The following TRIM26 variants were observed in gnomAD, a reference collection of about 807,000 sequenced individuals.
The protein encoded by TRIM26 is tripartite motif containing 26.
In TRIM26, 16 loss-of-function variants were observed where a neutral mutation model predicts 45.5. The observed-to-expected ratio is 0.35, with a 90% CI of 0.24 to 0.53. The LOEUF is 0.53. TRIM26 is among the 20% of genes least tolerant of loss of function. The pLI, the probability that TRIM26 is intolerant of heterozygous loss-of-function variation, is 0.92. For synonymous variants in TRIM26, 273 were observed against 290.4 expected (o/e 0.94, Z 0.61); for missense variants, 442 against 691.1 (o/e 0.64, Z 4.04).
chr6:30,186,331 C>T lies in TRIM26; in HGVS notation c.1165G>A (p.Glu389Lys). The T allele has an allele frequency of 1.2e-6, 2 of 1,612,270 alleles. No homozygotes were observed. The highest frequency in any genetic ancestry group is 8.5e-7 in the Non-Finnish European group (1 of 1,179,274). ...TCCTCCTCCTCTTCTCCCTCTTCCT[C>T]CTCATCCCCCTCTTCTTCATCCTCA... The part of the protein sequence containing the change: ...WSEDEEEGDE[E>K]EEGEEEEEEE... The change falls in exon 10 of 10, where the codon GAG becomes AAG. Residue 389 changes from glutamate to lysine, a missense_variant. Transcript: ENST00000454678. The surrounding 1 kb of genome is among the most constrained non-coding windows in gnomAD (Gnocchi z 7.4).
rs1562191984 is a variant in TRIM26 at position 30,190,021 on chromosome 6, G to A, written c.780C>T (p.Phe260=). 6.2e-7 allele frequency: 1 copy of A among 1,613,012 alleles called. No homozygotes were observed. Among genetic ancestry groups the A allele is most frequent in the Non-Finnish European group, 8.5e-7 (1 of 1,179,968 alleles). Reference sequence around the variant, plus strand: ...AGAGGAGACTCTTTTACCTGTTTAGGAAGTCTCTCGTGTCCTAGAAGGGAA... The same window carrying A: ...AGAGGAGACTCTTTTACCTGTTTAGAAAGTCTCTCGTGTCCTAGAAGGGAA... ...AAELMQDTRD[F]LNRYPRKKFW... is the part of the protein sequence containing the mutation. The change falls in exon 7 of 10, where the codon TTC becomes TTT. Residue 260 remains phenylalanine (F), a synonymous_variant. Coordinates refer to ENST00000454678, the MANE Select transcript of TRIM26 (RefSeq NM_003449.5). The surrounding 1 kb of genome is among the most constrained non-coding windows in gnomAD (Gnocchi z 4.3).
intron 1 of TRIM26, among the ~76,000 whole-genome samples, chr6:30,210,948 G>A (rs978806198): frequency 1.2e-4 from 19 of 152,096 alleles, no homozygotes; most frequent in Non-Finnish European, 1.8e-4. Flanking sequence ...CGGAAACCAC[G>A]GAAAACTAAG....
In TRIM26 at chr6:30,209,848, TAAATAA is replaced by T. The variant is rs544419588; in HGVS notation, c.-376+3451_-376+3456del. On this transcript the variant is annotated intron_variant, in intron 1 of 9. Transcript: ENST00000454678. The surrounding 1 kb of genome is among the most constrained non-coding windows in gnomAD (Gnocchi z 4.8). ...GAGACTGTCTCTAAAATAAAATAAA[TAAATAA>T]AAATAAAAATAAAAATAAAAACAAA... Among the ~76,000 whole-genome samples, 1,449 of 150,096 alleles carry T rather than the reference TAAATAA, an allele frequency of 9.7e-3. 20 individuals carry two copies. Among genetic ancestry groups the T allele is most frequent in the African/African-American group, 0.032 (1,287 of 40,774 alleles).
Position 30,186,896 on chromosome 6 carries a change from TGG to T in TRIM26, c.938-340_938-339del, listed in dbSNP as rs1775251539. ...ACTCATCATTAATATCATCCAAGTG[TGG>T]ATCACCAGTCCCTGAAAAATCTGTT... On this transcript the variant is annotated intron_variant, in intron 9 of 9. Transcript: ENST00000454678. This position sits in a 1 kb window ranked among gnomAD's most constrained non-coding sequence, Gnocchi z 7.4. The T allele has an allele frequency of 1.7e-5, 12 of 689,422 alleles. No homozygotes were observed. Among genetic ancestry groups the T allele is most frequent in the South Asian group, 1.1e-4 (7 of 61,002 alleles). 42.7% of individuals were successfully genotyped at this position (689,422 alleles called of 1,614,324 possible). A position where few individuals can be genotyped will look rare whatever the true frequency, so the allele number is the denominator to read the frequency against.
chr6:30,198,740 CG>C lies in TRIM26; in HGVS notation c.363del (p.Cys121TrpfsTer2). ...YYCEDDGKLL[C>X]VMCRESREHR... ...TGCTCCCGGGACTCCCGGCACATCA[CG>C]CACAGCAGCTTCCCGTCGTCCTCAC... On this transcript the variant is annotated frameshift_variant, in exon 4 of 10. Transcript: ENST00000454678. LOFTEE classifies it high-confidence loss of function. The surrounding 1 kb of genome is among the most constrained non-coding windows in gnomAD (Gnocchi z 6.3). 1 of 1,604,400 alleles carries C rather than the reference CG, an allele frequency of 6.2e-7. No individual in the cohort carries two copies. The highest frequency in any genetic ancestry group is 1.1e-5 in the South Asian group (1 of 91,060).
Position 30,186,583 on chromosome 6 carries a change from A to AAC in TRIM26, c.938-26_938-25insGT, listed in dbSNP as rs748040722. 15 of 1,499,088 alleles carry AAC rather than the reference A, an allele frequency of 1.0e-5. No individual in the cohort carries two copies. The highest frequency in any genetic ancestry group is 6.2e-6 in the Non-Finnish European group (7 of 1,128,606). 92.9% of individuals were successfully genotyped at this position (1,499,088 alleles called of 1,614,324 possible). The stretch of plus-strand genomic sequence containing the variant: ...ACTGTGGGGACAAGGGAAAAAAAAA[A>AAC]AAACAGCATCACTGTTTTGTTTTGT... On this transcript the variant is annotated intron_variant, in intron 9 of 9. Transcript: ENST00000454678. The surrounding 1 kb of genome is among the most constrained non-coding windows in gnomAD (Gnocchi z 7.4).
At chr6:30,204,326 A>C (rs1031288287) in intron 2 of TRIM26, among the ~76,000 whole-genome samples, 4 of 152,220 alleles carry the variant, frequency 2.6e-5, no homozygotes, top group Non-Finnish European at 4.4e-5. Flanking sequence ...TTTGTTAGGA[A>C]GCTCAGATGA....
At chr6:30,188,946 G>A (rs1775508098) in intron 9 of TRIM26, among the ~76,000 whole-genome samples, 1 of 152,052 alleles carries the variant, frequency 6.6e-6, no homozygotes, top group Non-Finnish European at 1.5e-5. Context: ...AGCAAACACA[G>A]GGCAGAGAAG....
chr6:30,186,794 T>G lies in TRIM26; in HGVS notation c.938-236A>C. The G allele has an allele frequency of 2.7e-6, 3 of 1,105,310 alleles. No individual in the cohort carries two copies. The South Asian group carries it at 4.1e-5, about 15-fold the overall frequency. 68.5% of individuals were successfully genotyped at this position (1,105,310 alleles called of 1,614,324 possible). On this transcript the variant is annotated intron_variant, in intron 9 of 9. Transcript: ENST00000454678. The surrounding 1 kb of genome is among the most constrained non-coding windows in gnomAD (Gnocchi z 7.4). Reference sequence around the variant, plus strand: ...TAAACATGATATACTGAAATTTAACTTGACTGTTTTCGCTTACGCTCTGAT... The same window carrying G: ...TAAACATGATATACTGAAATTTAACGTGACTGTTTTCGCTTACGCTCTGAT...
Position 30,196,431 on chromosome 6 carries a change from A to G in TRIM26, c.765+85T>C. 1 of 1,350,796 alleles carries G rather than the reference A, an allele frequency of 7.4e-7. No individual in the cohort carries two copies. The allele number at this position is 1,350,796 out of a possible 1,614,324, so 83.7% of individuals were successfully genotyped here. A position where few individuals can be genotyped will look rare whatever the true frequency, so the allele number is the denominator to read the frequency against. On this transcript the variant is annotated intron_variant, in intron 6 of 9. Transcript: ENST00000454678. The surrounding 1 kb of genome is among the most constrained non-coding windows in gnomAD (Gnocchi z 4.9). ...TTCAGATGACAAAACTGAGCCCCCA[A>G]GTCTTCTAAGGTCCTGCAAGTGAAT...
intron 1 of TRIM26, among the ~76,000 whole-genome samples, chr6:30,212,989 C>G (rs1404633580): frequency 2.0e-5 from 3 of 151,812 alleles, no homozygotes; most frequent in Admixed American, 6.6e-5. Flanking sequence ...AGTCGCCTAT[C>G]TACCAGGCTC....
chr6:30,206,448 GAGGTAGC>G (rs781198064), intron 1 of TRIM26, among the ~76,000 whole-genome samples: 8 of 152,268 alleles, frequency 5.3e-5, no homozygotes, highest in Non-Finnish European at 1.0e-4. Context: ...AGAGGGGCAG[GAGGTAGC>G]AGCCAGCTGG....
chr6:30,208,322 C>T (rs1293627929), intron 1 of TRIM26, among the ~76,000 whole-genome samples: 1 of 152,122 alleles, frequency 6.6e-6, no homozygotes, highest in African/African-American at 2.4e-5. Context: ...TCATCGTATC[C>T]AAGGTTTCGC....
At position 30,184,599 on chromosome 6, in the gene TRIM26, A is replaced by T. The variant is rs1181596257; in HGVS notation, c.*1277T>A. On this transcript the variant is annotated 3_prime_UTR_variant, in exon 10 of 10. Transcript: ENST00000454678. Reference sequence around the variant, plus strand: ...CAGAAATAAGATGTACATGTGACTCAGGCAGCATGTGACACACACAAAGTG... The same window carrying T: ...CAGAAATAAGATGTACATGTGACTCTGGCAGCATGTGACACACACAAAGTG... 1 of 152,700 alleles carries T rather than the reference A, an allele frequency of 6.5e-6. No individual in the cohort carries two copies. The highest frequency in any genetic ancestry group is 2.4e-5 in the African/African-American group (1 of 41,468). The allele number at this position is 152,700 out of a possible 1,614,324, so 9.5% of individuals were successfully genotyped here. A position where few individuals can be genotyped will look rare whatever the true frequency, so the allele number is the denominator to read the frequency against.
Position 30,190,113 on chromosome 6 carries a change from C to A in TRIM26, c.766-78G>T, listed in dbSNP as rs1775667312. 8.0e-6 allele frequency: 12 copies of A among 1,497,442 alleles called. No individual in the cohort carries two copies. Among genetic ancestry groups the A allele is most frequent in the Non-Finnish European group, 1.1e-5 (12 of 1,079,664 alleles). 92.8% of individuals were successfully genotyped at this position (1,497,442 alleles called of 1,614,324 possible). On this transcript the variant is annotated intron_variant, in intron 6 of 9. Transcript: ENST00000454678. The surrounding 1 kb of genome is among the most constrained non-coding windows in gnomAD (Gnocchi z 4.3). ...AATGCATCTGCACCCAACACTGTAGCAGAGATGGGACATATCAGTGAACAA... is the reference window on the plus strand; with the variant it reads ...AATGCATCTGCACCCAACACTGTAGAAGAGATGGGACATATCAGTGAACAA...
At chr6:30,211,388 G>A (rs978753666) in intron 1 of TRIM26, among the ~76,000 whole-genome samples, 1 of 152,066 alleles carries the variant, frequency 6.6e-6, no homozygotes, top group Admixed American at 6.6e-5. Flanking sequence ...CCCATTCTCT[G>A]TGTCTTTTCT....
At chr6:30,188,792 G>A (rs1775491077) in intron 9 of TRIM26, among the ~76,000 whole-genome samples, 1 of 152,100 alleles carries the variant, frequency 6.6e-6, no homozygotes. Flanking sequence ...ACAATAGTGG[G>A]GCCTGTGGTG....
rs1777876837 is a variant in TRIM26 at position 30,207,867 on chromosome 6, C to A, written c.-375-3102G>T. Among the ~76,000 whole-genome samples the A allele has an allele frequency of 6.6e-6, 1 of 152,232 alleles. No individual in the cohort carries two copies. Among genetic ancestry groups the A allele is most frequent in the African/African-American group, 2.4e-5 (1 of 41,458 alleles). On this transcript the variant is annotated intron_variant, in intron 1 of 9. Coordinates refer to ENST00000454678, the MANE Select transcript of TRIM26 (RefSeq NM_003449.5). This position sits in a 1 kb window ranked among gnomAD's most constrained non-coding sequence, Gnocchi z 4.9. ...GCAAATGCCTTTTCTAGCTTGAAGT[C>A]TCAGCTGAAAGCCACCTCCTCTGGC...
rs1177933240 is a variant in TRIM26 at position 30,189,136 on chromosome 6, T to A, written c.937+31A>T. On this transcript the variant is annotated intron_variant, in intron 9 of 9. Transcript: ENST00000454678. This position sits in a 1 kb window ranked among gnomAD's most constrained non-coding sequence, Gnocchi z 5.0. The stretch of plus-strand genomic sequence containing the variant: ...CAGGCGGAGTTTTCTATATTTGATG[T>A]ACATCTGGGAAACACCCTCTAGACA... 6.2e-7 allele frequency: 1 copy of A among 1,603,516 alleles called. No individual in the cohort carries two copies. Among genetic ancestry groups the A allele is most frequent in the African/African-American group, 1.3e-5 (1 of 74,276 alleles).
Sources: gnomAD v4.1 joint callset for allele counts (sites outside exome capture counted in the v4.1 genomes callset) on GRCh38, gnomAD v4.1.1 for gene constraint, Gnocchi (gnomAD v3.1) non-coding constraint, MANE v1.5 for transcripts, NCBI Gene and HGNC (gene_info 2026-07-23, HGNC 2026-07-21) for gene names.